SLC35F3: variants seen among roughly 807,000 people sequenced by gnomAD.
SLC35F3 encodes the protein putative thiamine transporter SLC35F3.
Under a neutral mutation model 49.9 loss-of-function variants are expected in SLC35F3, and 25 were observed. The observed-to-expected ratio is 0.50, with a 90% CI of 0.37 to 0.70. The LOEUF (loss-of-function observed/expected upper bound fraction) is 0.70. Ranked by LOEUF, SLC35F3 falls within the 30% of genes least tolerant of loss-of-function variation. The pLI is 0.00. For synonymous variants in SLC35F3, 275 were observed against 265.4 expected (o/e 1.04, Z -0.35); for missense variants, 525 against 639.8 (o/e 0.82, Z 1.94).
At chr1:234,054,272 G>A (rs1034254651) in intron 2 of SLC35F3, among the ~76,000 whole-genome samples, 1 of 152,180 alleles carries the variant, frequency 6.6e-6, no homozygotes, top group East Asian at 1.9e-4. Flanking sequence ...TCACTTTCAG[G>A]TACACCATTC....
intron 3 of SLC35F3, among the ~76,000 whole-genome samples, chr1:234,237,107 C>T (rs900115159): frequency 6.6e-6 from 1 of 151,498 alleles, no homozygotes; most frequent in African/African-American, 2.4e-5. Context: ...GGAGTTGGGG[C>T]TTTATTCTCC....
intron 2 of SLC35F3, among the ~76,000 whole-genome samples, chr1:234,044,026 A>G (rs936624211): frequency 6.6e-6 from 1 of 152,186 alleles, no homozygotes; most frequent in Non-Finnish European, 1.5e-5. Context: ...TTTACCAGGT[A>G]GGGCCTAATG....
intron 2 of SLC35F3, among the ~76,000 whole-genome samples, chr1:234,204,040 T>C (rs1406669188): frequency 2.0e-5 from 3 of 152,354 alleles, no homozygotes; most frequent in Non-Finnish European, 4.4e-5. Context: ...CCCTGTGTTA[T>C]TGAATAACTT....
chr1:234,198,893 T>C (rs1465207085), intron 2 of SLC35F3, among the ~76,000 whole-genome samples: 1 of 152,092 alleles, frequency 6.6e-6, no homozygotes, highest in Non-Finnish European at 1.5e-5. Context: ...CACTACCTAA[T>C]TTCAAAATAT....
chr1:234,301,722 A>G lies in SLC35F3; in HGVS notation c.609-7379A>G, dbSNP rs187487002. 3.3e-4 allele frequency among the ~76,000 whole-genome samples: 51 copies of G among 152,354 alleles called. 1 individual carries two copies. Among genetic ancestry groups the G allele is most frequent in the African/African-American group, 1.2e-3 (50 of 41,594 alleles). On this transcript the variant is annotated intron_variant, in intron 3 of 7. Coordinates refer to ENST00000366618, the MANE Select transcript of SLC35F3 (RefSeq NM_173508.4). ...ACAAAGGAATCTAAATAATTCTACT[A>G]TAAAAACACTTGCACACATATGTTT...
chr1:233,973,320 A>G (rs1482999176), intron 2 of SLC35F3, among the ~76,000 whole-genome samples: 1 of 152,158 alleles, frequency 6.6e-6, no homozygotes, highest in African/African-American at 2.4e-5. Context: ...CAAGGAGGGG[A>G]AGACAGATTC....
chr1:234,141,435 C>T (rs911084548), intron 2 of SLC35F3, among the ~76,000 whole-genome samples: 1 of 152,090 alleles, frequency 6.6e-6, no homozygotes, highest in Non-Finnish European at 1.5e-5. Context: ...TCACATATTT[C>T]GTACATACTT....
At chr1:234,060,146 T>C (rs1664519133) in intron 2 of SLC35F3, among the ~76,000 whole-genome samples, 1 of 152,264 alleles carries the variant, frequency 6.6e-6, no homozygotes, top group South Asian at 2.1e-4. Flanking sequence ...GTTTATTTTA[T>C]GGCCTAGCTT....
chr1:233,991,896 G>A lies in SLC35F3; in HGVS notation c.283+86138G>A, dbSNP rs114032507. 8.6e-3 allele frequency among the ~76,000 whole-genome samples: 1,305 copies of A among 152,082 alleles called. 12 individuals are homozygous for A. Among genetic ancestry groups the A allele is most frequent in the Non-Finnish European group, 0.013 (878 of 68,014 alleles). On this transcript the variant is annotated intron_variant, in intron 2 of 7. Transcript: ENST00000366618. Reference sequence around the variant, plus strand: ...TTATGAAATACCCCAAAATCAAGTTGAATAAAACAAAATGAAAACATAAGC... The same window carrying A: ...TTATGAAATACCCCAAAATCAAGTTAAATAAAACAAAATGAAAACATAAGC...
chr1:234,059,322 G>T (rs1664503219), intron 2 of SLC35F3, among the ~76,000 whole-genome samples: 1 of 148,898 alleles, frequency 6.7e-6, no homozygotes, highest in African/African-American at 2.5e-5. Flanking sequence ...TTTCCTCCAA[G>T]CACTGTTTTA....
intron 2 of SLC35F3, among the ~76,000 whole-genome samples, chr1:234,008,790 A>G (rs1460430018): frequency 6.6e-6 from 1 of 152,184 alleles, no homozygotes; most frequent in Non-Finnish European, 1.5e-5. Flanking sequence ...CCAGCCCCTC[A>G]GGACCCCTTC....
intron 7 of SLC35F3, 46 bp from the exon 8 acceptor site, chr1:234,322,961 GC>G (rs773514018): frequency 7.1e-6 from 11 of 1,557,230 alleles, no homozygotes; most frequent in South Asian, 4.5e-5. Flanking sequence ...CCAGGGACAT[GC>G]CCCCAACCCT....
intron 2 of SLC35F3, among the ~76,000 whole-genome samples, chr1:234,116,194 G>A (rs532240572): frequency 3.0e-4 from 45 of 152,298 alleles, no homozygotes; most frequent in African/African-American, 1.1e-3. Flanking sequence ...GCCTCGGTCT[G>A]TAGCTATCTG....
At chr1:234,295,103 AG>A (rs1432192883) in intron 3 of SLC35F3, among the ~76,000 whole-genome samples, 1 of 152,244 alleles carries the variant, frequency 6.6e-6, no homozygotes, top group Non-Finnish European at 1.5e-5. Context: ...TCGCTGTCCC[AG>A]CTGGGCCCTG....
chr1:234,116,188 C>T (rs1285882144), intron 2 of SLC35F3, among the ~76,000 whole-genome samples: 1 of 152,138 alleles, frequency 6.6e-6, no homozygotes, highest in Admixed American at 6.5e-5. Context: ...CATCTGGCCT[C>T]GGTCTGTAGC....
chr1:234,247,879 G>A (rs992645642), intron 3 of SLC35F3, among the ~76,000 whole-genome samples: 2 of 152,112 alleles, frequency 1.3e-5, no homozygotes, highest in African/African-American at 4.8e-5. Flanking sequence ...TGATGGGTCA[G>A]TTGGCTGGTC....
chr1:234,168,027 G>A (rs1360611263), intron 2 of SLC35F3, among the ~76,000 whole-genome samples: 1 of 152,208 alleles, frequency 6.6e-6, no homozygotes, highest in Non-Finnish European at 1.5e-5. Flanking sequence ...CTGCACACTT[G>A]TGTGTCTGTA....
intron 2 of SLC35F3, among the ~76,000 whole-genome samples, chr1:234,056,901 C>T (rs1341100512): frequency 6.6e-6 from 1 of 152,184 alleles, no homozygotes; most frequent in Non-Finnish European, 1.5e-5. Context: ...GTGCCAGCAT[C>T]ATTTGTTGAA....
At position 234,214,478 on chromosome 1, in the gene SLC35F3, C is replaced by A; in HGVS notation, c.284-16939C>A. The A allele has an allele frequency of 6.6e-7, 1 of 1,522,752 alleles. No homozygotes were observed. The highest frequency in any genetic ancestry group is 1.2e-5 in the South Asian group (1 of 80,800). 94.3% of individuals were successfully genotyped at this position (1,522,752 alleles called of 1,614,324 possible). A position where few individuals can be genotyped will look rare whatever the true frequency, so the allele number is the denominator to read the frequency against. Reference sequence around the variant, plus strand: ...GATGTAGGCGATCGGCGGCAGCGCTCCTGCAGGCGGCCGGCTCATCATGAA... The same window carrying A: ...GATGTAGGCGATCGGCGGCAGCGCTACTGCAGGCGGCCGGCTCATCATGAA... On this transcript the variant is annotated intron_variant, in intron 2 of 7. Transcript: ENST00000366618. The surrounding 1 kb of genome is among the most constrained non-coding windows in gnomAD (Gnocchi z 8.0).
Sources: allele counts gnomAD v4.1 joint callset (sites outside exome capture counted in the v4.1 genomes callset), GRCh38; gene constraint gnomAD v4.1.1; non-coding constraint Gnocchi (gnomAD v3.1); transcripts MANE v1.5; gene names NCBI Gene and HGNC (gene_info 2026-07-23, HGNC 2026-07-21).